The following NUMB variants were observed in gnomAD, a reference collection of about 807,000 sequenced individuals.
NUMB encodes the protein protein numb homolog.
Under a neutral mutation model 59.7 loss-of-function variants are expected in NUMB, and 29 were observed. The observed-to-expected ratio is 0.49, with a 90% CI of 0.36 to 0.66. The LOEUF is 0.66. Among genes scored for constraint, NUMB ranks in the 30% least tolerant of loss-of-function variants. The probability of loss-of-function intolerance (pLI) is 0.00; values close to 1 mark genes in which losing one functional copy is unlikely to be tolerated. For synonymous variants in NUMB, 288 were observed against 288.2 expected (o/e 1.00, Z 0.01); for missense variants, 723 against 822.0 (o/e 0.88, Z 1.47).
At chr14:73,380,624 A>C (rs1304699281) in intron 2 of NUMB, among the ~76,000 whole-genome samples, 1 of 151,882 alleles carries the variant, frequency 6.6e-6, no homozygotes, top group African/African-American at 2.4e-5. Context: ...GTATGCCATG[A>C]TCCCATAGAT....
chr14:73,278,592 A>G (rs938764467), intron 12 of NUMB, among the ~76,000 whole-genome samples: 1 of 150,350 alleles, frequency 6.7e-6, no homozygotes, highest in African/African-American at 2.5e-5. Flanking sequence ...ACAAAAAAGC[A>G]AAAATGAAGT....
chr14:73,332,537 C>T (rs1207441364), intron 4 of NUMB, among the ~76,000 whole-genome samples: 4 of 152,182 alleles, frequency 2.6e-5, no homozygotes, highest in East Asian at 1.9e-4. Flanking sequence ...GCTGGGATTA[C>T]AGGGTGAGCC....
intron 4 of NUMB, among the ~76,000 whole-genome samples, chr14:73,351,792 T>A (rs554649970): frequency 5.0e-4 from 76 of 151,796 alleles, no homozygotes; most frequent in Non-Finnish European, 8.8e-4. Context: ...CTGGCTAACA[T>A]GGTGAAACCC....
At chr14:73,356,683 G>A (rs1001543919) in intron 3 of NUMB, among the ~76,000 whole-genome samples, 10 of 152,074 alleles carry the variant, frequency 6.6e-5, no homozygotes, top group African/African-American at 2.4e-4. Context: ...GTGCTACTAG[G>A]ACTAAATCTA....
intron 4 of NUMB, among the ~76,000 whole-genome samples, chr14:73,323,757 T>A (rs79222235): frequency 1.3e-5 from 2 of 152,174 alleles, no homozygotes; most frequent in African/African-American, 4.8e-5. Flanking sequence ...TATGAAGGTA[T>A]TACATCTGAG....
intron 4 of NUMB, among the ~76,000 whole-genome samples, chr14:73,349,522 C>T (rs140128316): frequency 0.029 from 4,370 of 150,068 alleles, 224 homozygotes; most frequent in African/African-American, 0.1. Context: ...TGCAGTGAGC[C>T]GAGATCGTGC....
chr14:73,383,387 C>T (rs1453361016), intron 2 of NUMB, among the ~76,000 whole-genome samples: 1 of 151,948 alleles, frequency 6.6e-6, no homozygotes, highest in Non-Finnish European at 1.5e-5. Flanking sequence ...GCAGACTGAA[C>T]ATTAACTGAA....
intron 4 of NUMB, among the ~76,000 whole-genome samples, chr14:73,339,953 C>T (rs112977618): frequency 1.7e-3 from 259 of 150,452 alleles, no homozygotes; most frequent in African/African-American, 6.1e-3. Flanking sequence ...ACACTCAAGG[C>T]AGAGCATCCT....
chr14:73,279,546 G>T, intron 11 of NUMB, 122 bp from the exon 12 acceptor site: 1 of 885,176 alleles, frequency 1.1e-6, no homozygotes, highest in Non-Finnish European at 1.6e-6. Context: ...GAGAAGAGTT[G>T]ATGTTTGGGA....
chr14:73,291,063 T>C (rs1008083789), intron 8 of NUMB, among the ~76,000 whole-genome samples: 8 of 151,770 alleles, frequency 5.3e-5, no homozygotes, highest in Non-Finnish European at 1.0e-4. Flanking sequence ...TAACTTAGTA[T>C]TTCTGTTTAG....
intron 2 of NUMB, among the ~76,000 whole-genome samples, chr14:73,387,010 A>G (rs1396234940): frequency 6.8e-6 from 1 of 147,722 alleles, no homozygotes; most frequent in Non-Finnish European, 1.5e-5. Context: ...CCTCCCAAGT[A>G]GCTGGGACTA....
intron 1 of NUMB, among the ~76,000 whole-genome samples, chr14:73,429,773 T>A (rs922684031): frequency 6.6e-6 from 1 of 152,024 alleles, no homozygotes; most frequent in African/African-American, 2.4e-5. Context: ...TGAAACCCCG[T>A]CTCTACTAAA....
chr14:73,419,654 T>A (rs1897277872), intron 1 of NUMB, among the ~76,000 whole-genome samples: 1 of 151,928 alleles, frequency 6.6e-6, no homozygotes, highest in African/African-American at 2.4e-5. Flanking sequence ...TCAAAATAAG[T>A]AAAACGGGGA....
At chr14:73,442,542 AATAT>A (rs1454365972) in intron 1 of NUMB, among the ~76,000 whole-genome samples, 1 of 152,222 alleles carries the variant, frequency 6.6e-6, no homozygotes, top group Non-Finnish European at 1.5e-5. Context: ...TTTAAATTGC[AATAT>A]ATCCATATTA....
chr14:73,316,495 G>T, intron 5 of NUMB, 73 bp from the exon 6 acceptor site: 2 of 1,400,824 alleles, frequency 1.4e-6, no homozygotes, highest in Non-Finnish European at 2.0e-6. Context: ...ACACCAATAA[G>T]CACATACAGA....
intron 3 of NUMB, among the ~76,000 whole-genome samples, chr14:73,358,624 T>C (rs1893940601): frequency 7.9e-6 from 1 of 127,268 alleles, no homozygotes; most frequent in Non-Finnish European, 1.6e-5. Context: ...TTTTTTTTTT[T>C]TGACAAGCCC....
In NUMB at chr14:73,348,803, TA is replaced by T. The variant is rs561409383; in HGVS notation, c.126+6822del. Among the ~76,000 whole-genome samples the T allele has an allele frequency of 9.8e-5, 15 of 152,348 alleles. No homozygotes were observed. In the South Asian group the frequency reaches 3.1e-3, roughly 32 times the overall value. On this transcript the variant is annotated intron_variant, in intron 4 of 12. Coordinates refer to ENST00000555238, the MANE Select transcript of NUMB (RefSeq NM_001005743.2). Reference sequence around the variant, plus strand: ...AATTACACTGAAAGATATCAAAACTTATTCATCTCACACAACATACTTAAAA... The same window carrying T: ...AATTACACTGAAAGATATCAAAACTTTTCATCTCACACAACATACTTAAAA...
Position 73,276,335 on chromosome 14 carries a change from T to G in NUMB, c.*243A>C. On this transcript the variant is annotated 3_prime_UTR_variant, in exon 13 of 13. Coordinates refer to ENST00000555238, the MANE Select transcript of NUMB (RefSeq NM_001005743.2). Reference sequence around the variant, plus strand: ...TGTAAGGGGGTAAGGGAAGAGGGAGTACAGAAAGCAACATTTCCTTGACTT... The same window carrying G: ...TGTAAGGGGGTAAGGGAAGAGGGAGGACAGAAAGCAACATTTCCTTGACTT... 4.4e-6 allele frequency: 2 copies of G among 453,182 alleles called. No individual in the cohort carries two copies. The highest frequency in any genetic ancestry group is 3.9e-5 in the South Asian group (1 of 25,498). 28.1% of individuals were successfully genotyped at this position (453,182 alleles called of 1,614,324 possible).
intron 2 of NUMB, among the ~76,000 whole-genome samples, chr14:73,372,313 A>ATATATATATAACCTTT (rs1894725085): frequency 1.0e-5 from 1 of 98,704 alleles, no homozygotes; most frequent in African/African-American, 4.3e-5. Context: ...TTTTATATAT[A>ATATATATATAACCTTT]TATATATATA....
Sources: allele counts gnomAD v4.1 joint callset (sites outside exome capture counted in the v4.1 genomes callset), GRCh38; gene constraint gnomAD v4.1.1; transcripts MANE v1.5; gene names NCBI Gene and HGNC (gene_info 2026-07-23, HGNC 2026-07-21).